The following PTPRF variants were observed in gnomAD, a reference collection of about 807,000 sequenced individuals.
PTPRF encodes receptor-type tyrosine-protein phosphatase F.
Under a neutral mutation model 201.8 loss-of-function variants are expected in PTPRF, and 59 were observed. That is an observed-to-expected ratio of 0.29 (90% CI 0.24 to 0.36). PTPRF has a LOEUF of 0.36. Among genes scored for constraint, PTPRF ranks in the 10% least tolerant of loss-of-function variants. The pLI is 1.00. For synonymous variants in PTPRF, 1,088 were observed against 1,089.7 expected (o/e 1.00, Z 0.03); for missense variants, 2,132 against 2,690.5 (o/e 0.79, Z 4.59).
At chr1:43,535,693 G>T (rs763679900) in intron 1 of PTPRF, among the ~76,000 whole-genome samples, 1 of 152,166 alleles carries the variant, frequency 6.6e-6, no homozygotes, top group Non-Finnish European at 1.5e-5. Flanking sequence ...TGGCCCCAAG[G>T]GCTTTCTTTC....
chr1:43,606,486 CA>C (rs774037352), intron 20 of PTPRF, 28 bp downstream of exon 20: 3 of 1,586,146 alleles, frequency 1.9e-6, no homozygotes, highest in East Asian at 2.2e-5. Context: ...TGGCTGTCAG[CA>C]CCCTGATTCC....
chr1:43,546,455 C>T lies in PTPRF; in HGVS notation c.91+1289C>T, dbSNP rs1357998750. ...CAGGCCTGGCTGGAACCTGCAGGGG[C>T]AGGTTGGAGTAGAAAGCCTTATCAG... On this transcript the variant is annotated intron_variant, in intron 3 of 33. Transcript: ENST00000359947. The surrounding 1 kb of genome is among the most constrained non-coding windows in gnomAD (Gnocchi z 4.2). Among the ~76,000 whole-genome samples the T allele has an allele frequency of 6.6e-6, 1 of 152,096 alleles. No individual in the cohort carries two copies. The highest frequency in any genetic ancestry group is 2.4e-5 in the African/African-American group (1 of 41,396).
upstream of PTPRF, among the ~76,000 whole-genome samples, chr1:43,522,765 G>T (rs903457290): frequency 1.3e-5 from 2 of 152,202 alleles, no homozygotes; most frequent in Admixed American, 6.5e-5. Flanking sequence ...GAATTGAAAG[G>T]AAGCTGGCGC....
intron 7 of PTPRF, among the ~76,000 whole-genome samples, chr1:43,582,204 C>T (rs1370288919): frequency 6.6e-6 from 1 of 152,236 alleles, no homozygotes; most frequent in African/African-American, 2.4e-5. Flanking sequence ...GGACAGTACA[C>T]GTGAAGCACC....
chr1:43,620,634 A>G, intron 31 of PTPRF, 55 bp downstream of exon 31: 3 of 1,592,934 alleles, frequency 1.9e-6, no homozygotes, highest in African/African-American at 2.7e-5. Context: ...CGCTGGGTGG[A>G]TGGCTGCCTG....
Position 43,591,134 on chromosome 1 carries a change from C to T in PTPRF, c.1112C>T (p.Thr371Ile), listed in dbSNP as rs1650584206. The T allele has an allele frequency of 6.2e-7, 1 of 1,613,630 alleles. No homozygotes were observed. Among genetic ancestry groups the T allele is most frequent in the Non-Finnish European group, 8.5e-7 (1 of 1,180,034 alleles). ...TTTCAGGAGGTGGATGGTGTGGCCA[C>T]CACCCGCTACAGCATTGGCGGCCTC... is the stretch of plus-strand genomic sequence containing the variant. ...GPFQEVDGVA[T>I]TRYSIGGLSP... is the part of the protein sequence containing the mutation. Residue 371 changes from threonine (T) to isoleucine (I), a missense_variant, in exon 9 of 34, where the codon ACC (threonine) becomes ATC (isoleucine). Coordinates refer to ENST00000359947, the MANE Select transcript of PTPRF (RefSeq NM_002840.5).
chr1:43,603,495 C>T lies in PTPRF; in HGVS notation c.2420C>T (p.Ala807Val). 1 of 1,614,142 alleles carries T rather than the reference C, an allele frequency of 6.2e-7. No homozygotes were observed. Among genetic ancestry groups the T allele is most frequent in the South Asian group, 1.1e-5 (1 of 91,080 alleles). ...VAAYTTKGDG[A>V]RSKPKIVTTT... ...GCCTATACCACCAAGGGGGATGGTGCCCGCAGCAAGCCCAAAATTGTCACT... is the reference window on the plus strand; with the variant it reads ...GCCTATACCACCAAGGGGGATGGTGTCCGCAGCAAGCCCAAAATTGTCACT... The change falls in exon 15 of 34, where the codon GCC (alanine) becomes GTC (valine). Residue 807 changes from alanine to valine, a missense_variant. Coordinates refer to ENST00000359947, the MANE Select transcript of PTPRF (RefSeq NM_002840.5). This position sits in a 1 kb window ranked among gnomAD's most constrained non-coding sequence, Gnocchi z 5.8.
At chr1:43,597,265 ATGACACTGTATATGTG>A (rs1652539250) in intron 11 of PTPRF, among the ~76,000 whole-genome samples, 2 of 152,222 alleles carry the variant, frequency 1.3e-5, no homozygotes, top group Admixed American at 6.5e-5. Context: ...GAAACACTAT[ATGACACTGTATATGTG>A]TGACACTGTA....
chr1:43,558,672 G>A (rs1383209362), intron 5 of PTPRF, among the ~76,000 whole-genome samples: 1 of 152,210 alleles, frequency 6.6e-6, no homozygotes, highest in African/African-American at 2.4e-5. Context: ...TTGAGGCGGC[G>A]GCTGAATCAC....
Position 43,609,400 on chromosome 1 carries a change from C to T in PTPRF, c.3875C>T (p.Pro1292Leu), listed in dbSNP as rs763328337. ...LLFKRKRTHSPSSKDEQSIGL... is the reference protein window; with the variant it reads ...LLFKRKRTHSLSSKDEQSIGL... ...CTCTCTAGGAAAAGGACCCACTCTC[C>T]GTCCTCTAAGGATGAGCAGTCGATC... The change falls in exon 22 of 34, where the codon CCG becomes CTG. Residue 1292 changes from proline to leucine, a missense_variant. Coordinates refer to ENST00000359947, the MANE Select transcript of PTPRF (RefSeq NM_002840.5). 3.1e-6 allele frequency: 5 copies of T among 1,613,866 alleles called. No individual in the cohort carries two copies. Among genetic ancestry groups the T allele is most frequent in the Non-Finnish European group, 3.4e-6 (4 of 1,179,936 alleles).
chr1:43,583,379 A>G (rs1218917973), intron 7 of PTPRF, among the ~76,000 whole-genome samples: 2 of 151,978 alleles, frequency 1.3e-5, no homozygotes, highest in Non-Finnish European at 2.9e-5. Context: ...ATGGCATGAA[A>G]CTGTACCCCA....
chr1:43,563,169 C>T (rs1049282197), intron 5 of PTPRF, among the ~76,000 whole-genome samples: 1 of 114,862 alleles, frequency 8.7e-6, no homozygotes, highest in African/African-American at 3.0e-5. Context: ...CCAAGCGAGA[C>T]TCCATCTCAA....
In PTPRF at chr1:43,598,077, AG is replaced by A; in HGVS notation, c.2119+28del. 2 of 1,451,952 alleles carry A rather than the reference AG, an allele frequency of 1.4e-6. 1 individual carries two copies. Among genetic ancestry groups the A allele is most frequent in the South Asian group, 2.9e-5 (2 of 69,278 alleles). The allele number at this position is 1,451,952 out of a possible 1,614,324, so 89.9% of individuals were successfully genotyped here. A position where few individuals can be genotyped will look rare whatever the true frequency, so the allele number is the denominator to read the frequency against. On this transcript the variant is annotated intron_variant, in intron 12 of 33. Transcript: ENST00000359947. ...CGGTAGGCAGTGCCACCGGGGCGGG[AG>A]GGGAGGCGTTCTGCCTCAGACACCA... is the stretch of plus-strand genomic sequence containing the variant.
rs929246961 is a variant in PTPRF, at chr1:43,607,071, G to C, written c.3857+103G>C. 52 of 1,461,714 alleles carry C rather than the reference G, an allele frequency of 3.6e-5. No individual in the cohort carries two copies. The Admixed American group carries it at 9.4e-4, about 26-fold the overall frequency. The allele number at this position is 1,461,714 out of a possible 1,614,324, so 90.5% of individuals were successfully genotyped here. ...GGAGAGCGTGCAGCCTTGCATCCTG[G>C]ACCCTGAGCCTCAGGCTCAGCAGGA... On this transcript the variant is annotated intron_variant, in intron 21 of 33. Transcript: ENST00000359947.
At position 43,622,345 on chromosome 1, in the gene PTPRF, G is replaced by A. The variant is rs1056766164; in HGVS notation, c.*342G>A. ...AGCCTCCTTTTTAATACATTAAGTG[G>A]GGTAGACTGAGGGATTTTAGCCTCT... On this transcript the variant is annotated 3_prime_UTR_variant, in exon 34 of 34. Coordinates refer to ENST00000359947, the MANE Select transcript of PTPRF (RefSeq NM_002840.5). 2 of 287,782 alleles carry A rather than the reference G, an allele frequency of 6.9e-6. No homozygotes were observed. The highest frequency in any genetic ancestry group is 1.3e-5 in the Non-Finnish European group (2 of 152,898). 17.8% of individuals were successfully genotyped at this position (287,782 alleles called of 1,614,324 possible). A position where few individuals can be genotyped will look rare whatever the true frequency, so the allele number is the denominator to read the frequency against.
intron 29 of PTPRF, 62 bp downstream of exon 29, chr1:43,619,920 T>G: frequency 6.3e-7 from 1 of 1,587,036 alleles, no homozygotes; most frequent in Non-Finnish European, 8.6e-7. Flanking sequence ...GCCTGGCTGG[T>G]GGGGGTGGGC....
intron 3 of PTPRF, among the ~76,000 whole-genome samples, chr1:43,550,724 G>A (rs1275876921): frequency 2.0e-5 from 3 of 152,190 alleles, no homozygotes; most frequent in African/African-American, 7.2e-5. Context: ...TTATAAGCTC[G>A]GCAGGTAGGT....
chr1:43,561,304 T>G (rs1027373179), intron 5 of PTPRF, among the ~76,000 whole-genome samples: 3 of 152,114 alleles, frequency 2.0e-5, no homozygotes, highest in Admixed American at 1.3e-4. Context: ...AGGAGTCATC[T>G]CTCCCTGCTC....
intron 5 of PTPRF, among the ~76,000 whole-genome samples, chr1:43,558,396 C>T (rs1645540890): frequency 6.6e-6 from 1 of 152,160 alleles, no homozygotes; most frequent in South Asian, 2.1e-4. Context: ...GGAGTGCCCC[C>T]CCAAATCCCC....
Sources: gnomAD v4.1 joint callset for allele counts (sites outside exome capture counted in the v4.1 genomes callset) on GRCh38, gnomAD v4.1.1 for gene constraint, Gnocchi (gnomAD v3.1) non-coding constraint, MANE v1.5 for transcripts, NCBI Gene and HGNC (gene_info 2026-07-23, HGNC 2026-07-21) for gene names.